The following ATP9B variants were observed in gnomAD, a reference collection of about 807,000 sequenced individuals.
The protein encoded by ATP9B is probable phospholipid-transporting ATPase IIB.
ATP9B carries 110 observed loss-of-function variants against 146.1 expected under a neutral mutation model. That is an observed-to-expected ratio of 0.75 (90% CI 0.65 to 0.88). ATP9B has a LOEUF of 0.88. Ranked by LOEUF, ATP9B falls within the 40% of genes least tolerant of loss-of-function variation. ATP9B has a pLI of 0.00. For synonymous variants in ATP9B, 604 were observed against 569.7 expected, an observed-to-expected ratio of 1.06 and a Z score of -0.86; for missense variants, 1,499 against 1,496.4, an observed-to-expected ratio of 1.00 and a Z score of -0.03.
At chr18:79,175,441 C>T (rs889295336) in intron 7 of ATP9B, among the ~76,000 whole-genome samples, 1 of 152,180 alleles carries the variant, frequency 6.6e-6, no homozygotes, top group Non-Finnish European at 1.5e-5. Context: ...CTTCCTGCCT[C>T]TATAGGTATT....
At chr18:79,233,869 A>G (rs2095814927) in intron 11 of ATP9B, among the ~76,000 whole-genome samples, 3 of 152,256 alleles carry the variant, frequency 2.0e-5, no homozygotes, top group South Asian at 4.1e-4. Flanking sequence ...CTTACAATAA[A>G]GTAAACTACA....
At chr18:79,279,063 G>A (rs991197045) in intron 13 of ATP9B, among the ~76,000 whole-genome samples, 2 of 152,210 alleles carry the variant, frequency 1.3e-5, no homozygotes, top group Admixed American at 1.3e-4. Flanking sequence ...ACCTGGAGCC[G>A]ACAGGTGTGT....
chr18:79,183,801 A>G (rs1214674023), intron 8 of ATP9B, among the ~76,000 whole-genome samples: 1 of 151,316 alleles, frequency 6.6e-6, no homozygotes. Context: ...TTAAAAAAAA[A>G]AAAAGAAAAA....
intron 15 of ATP9B, among the ~76,000 whole-genome samples, chr18:79,318,007 A>C (rs926274897): frequency 1.3e-5 from 2 of 152,288 alleles, no homozygotes; most frequent in Non-Finnish European, 2.9e-5. Context: ...CTGGAACAGC[A>C]TGAGCAGCAA....
intron 17 of ATP9B, among the ~76,000 whole-genome samples, chr18:79,330,472 G>A (rs1360586719): frequency 6.6e-6 from 1 of 150,940 alleles, no homozygotes; most frequent in East Asian, 1.9e-4. Flanking sequence ...GAGTGCAGTA[G>A]CGCAATCTTG....
chr18:79,295,913 C>T (rs1217250808), intron 13 of ATP9B, among the ~76,000 whole-genome samples: 3 of 152,236 alleles, frequency 2.0e-5, no homozygotes, highest in Non-Finnish European at 1.5e-5. Flanking sequence ...TTGCATTTCC[C>T]AGCCGCCAGA....
intron 9 of ATP9B, 147 bp from the exon 10 acceptor site, chr18:79,206,790 T>C: frequency 1.6e-6 from 1 of 642,338 alleles, no homozygotes. Flanking sequence ...TATAGTCCCT[T>C]TTTTCTAACG....
chr18:79,345,517 G>A lies in ATP9B; in HGVS notation c.2562G>A (p.Lys854=). Residue 854 remains lysine (K), a synonymous_variant, in exon 22 of 30, where the codon AAG becomes AAA. Coordinates refer to ENST00000426216, the MANE Select transcript of ATP9B (RefSeq NM_198531.5). ...GCTGCCGCTGCTCACCCACCCAGAA[G>A]GCCCGCATTGTGACACTGCTGCAGC... is the stretch of plus-strand genomic sequence containing the variant. ...VVCCRCSPTQ[K]ARIVTLLQQH... is the part of the protein sequence containing the mutation. 5 of 1,612,640 alleles carry A rather than the reference G, an allele frequency of 3.1e-6. No individual in the cohort carries two copies. The highest frequency in any genetic ancestry group is 4.2e-6 in the Non-Finnish European group (5 of 1,180,024).
chr18:79,344,356 T>C lies in ATP9B; in HGVS notation c.2472+2T>C. 1 of 1,613,854 alleles carries C rather than the reference T, an allele frequency of 6.2e-7. No individual in the cohort carries two copies. The highest frequency in any genetic ancestry group is 8.5e-7 in the Non-Finnish European group (1 of 1,179,824). On this transcript the variant is annotated splice_donor_variant, in intron 21 of 29. Coordinates refer to ENST00000426216, the MANE Select transcript of ATP9B (RefSeq NM_198531.5). LOFTEE classifies it high-confidence loss of function. The stretch of plus-strand genomic sequence containing the variant: ...GTCATATCTGGGGACTCTCTGGAGG[T>C]AAGGCTGGACCCTGAGTGAGTACAT...
intron 11 of ATP9B, among the ~76,000 whole-genome samples, chr18:79,221,324 G>A (rs2095674782): frequency 6.6e-6 from 1 of 152,186 alleles, no homozygotes; most frequent in African/African-American, 2.4e-5. Flanking sequence ...TCCTGGAAGA[G>A]CGCCAGCCTC....
intron 15 of ATP9B, among the ~76,000 whole-genome samples, chr18:79,315,454 C>A (rs1349193188): frequency 6.6e-6 from 1 of 152,042 alleles, no homozygotes; most frequent in Non-Finnish European, 1.5e-5. Context: ...GTTAATAATT[C>A]CATTAAAATA....
chr18:79,252,462 TGTG>T (rs1249203812), intron 11 of ATP9B, among the ~76,000 whole-genome samples: 1 of 152,164 alleles, frequency 6.6e-6, no homozygotes, highest in Non-Finnish European at 1.5e-5. Flanking sequence ...TGGACTGCCT[TGTG>T]GTCTTTCAGG....
chr18:79,117,620 C>T (rs544943869), intron 4 of ATP9B: 7 of 152,210 alleles, frequency 4.6e-5, no homozygotes, highest in Non-Finnish European at 8.8e-5. Flanking sequence ...GAGGGCCTGG[C>T]GTCAACTCTT....
chr18:79,234,072 A>G (rs555067861), intron 11 of ATP9B, among the ~76,000 whole-genome samples: 1 of 152,248 alleles, frequency 6.6e-6, no homozygotes, highest in South Asian at 2.1e-4. Flanking sequence ...TCAAGGGTCA[A>G]CTACAGGTAA....
At chr18:79,361,336 G>A (rs1391626399) in intron 26 of ATP9B, 2 of 152,190 alleles carry the variant, frequency 1.3e-5, no homozygotes, top group Admixed American at 6.5e-5. Flanking sequence ...GGTGTCTGAC[G>A]GAGCAGCTAA....
chr18:79,086,146 A>G (rs1009021978), intron 1 of ATP9B: 2 of 152,168 alleles, frequency 1.3e-5, no homozygotes, highest in African/African-American at 2.4e-5. Flanking sequence ...TTTCCTTTAA[A>G]AGGCATCCGT....
At chr18:79,197,197 G>A (rs1340749222) in intron 9 of ATP9B, among the ~76,000 whole-genome samples, 1 of 152,074 alleles carries the variant, frequency 6.6e-6, no homozygotes, top group Non-Finnish European at 1.5e-5. Flanking sequence ...CTTTCTGCCT[G>A]TAAATGTAAA....
chr18:79,198,959 A>T (rs2095441309), intron 9 of ATP9B, among the ~76,000 whole-genome samples: 1 of 151,900 alleles, frequency 6.6e-6, no homozygotes. Flanking sequence ...CTATAACTTT[A>T]ATTTTTTTTT....
chr18:79,280,755 A>G (rs576763870), intron 13 of ATP9B, among the ~76,000 whole-genome samples: 4 of 151,746 alleles, frequency 2.6e-5, no homozygotes, highest in South Asian at 4.2e-4. Flanking sequence ...TCAAATTTCA[A>G]TAAATTTTAA....
Sources: gnomAD v4.1 joint callset for allele counts (sites outside exome capture counted in the v4.1 genomes callset) on GRCh38, gnomAD v4.1.1 for gene constraint, MANE v1.5 for transcripts, NCBI Gene and HGNC (gene_info 2026-07-23, HGNC 2026-07-21) for gene names.